The following ERC1 variants were observed in gnomAD, a reference collection of about 807,000 sequenced individuals.
ERC1 encodes the protein ELKS/RAB6-interacting/CAST family member 1, also known as RAB6 interacting protein 2.
ERC1 carries 56 observed loss-of-function variants against 132.0 expected under a neutral mutation model. The ratio of observed to expected loss-of-function variants is 0.42; its 90% CI spans 0.34 to 0.53. The LOEUF (loss-of-function observed/expected upper bound fraction) is 0.53. Among genes scored for constraint, ERC1 ranks in the 20% least tolerant of loss-of-function variants. ERC1 has a pLI of 0.03. For synonymous variants in ERC1, 478 were observed against 476.1 expected (o/e 1.00, Z -0.05); for missense variants, 1,202 against 1,349.9 (o/e 0.89, Z 1.72).
intron 18 of ERC1, among the ~76,000 whole-genome samples, chr12:1,446,573 C>T (rs775528615): frequency 1.3e-5 from 2 of 152,054 alleles, no homozygotes; most frequent in Non-Finnish European, 2.9e-5. Context: ...TTTGTTTACT[C>T]GTGTGTGAAG....
At chr12:1,223,377 T>C (rs926128994) in intron 12 of ERC1, among the ~76,000 whole-genome samples, 3 of 152,234 alleles carry the variant, frequency 2.0e-5, no homozygotes, top group Non-Finnish European at 4.4e-5. Context: ...ATAGTCTGCA[T>C]TGACTGTTGT....
Position 1,280,771 on chromosome 12 carries a change from A to G in ERC1, c.2620-9081A>G, listed in dbSNP as rs143745885. Among the ~76,000 whole-genome samples, 704 of 152,350 alleles carry G rather than the reference A, an allele frequency of 4.6e-3. 20 individuals carry two copies. Among genetic ancestry groups the G allele is most frequent in the Non-Finnish European group, 1.5e-3 (100 of 68,038 alleles). ...ACATACATACACATATTATACACGC[A>G]CTTACGTGATGTTTATGAGTTTCCC... On this transcript the variant is annotated intron_variant, in intron 14 of 18. Transcript: ENST00000360905.
intron 12 of ERC1, among the ~76,000 whole-genome samples, chr12:1,193,263 C>T (rs931301973): frequency 1.3e-5 from 2 of 152,140 alleles, no homozygotes; most frequent in Admixed American, 1.3e-4. Flanking sequence ...TTGTCCTACT[C>T]TCTTGACCCA....
chr12:1,290,292 C>T (rs1182450856), intron 15 of ERC1, among the ~76,000 whole-genome samples: 1 of 152,176 alleles, frequency 6.6e-6, no homozygotes, highest in African/African-American at 2.4e-5. Context: ...CTGGAAAGTT[C>T]AGGCAAAATG....
intron 12 of ERC1, among the ~76,000 whole-genome samples, chr12:1,195,653 ACTT>A (rs1283356836): frequency 6.6e-6 from 1 of 152,182 alleles, no homozygotes; most frequent in Non-Finnish European, 1.5e-5. Flanking sequence ...TGCTGCAGCT[ACTT>A]CTGCCAACCT....
Position 1,219,923 on chromosome 12 carries a change from T to A in ERC1, c.2352-16846T>A, listed in dbSNP as rs368013907. 8.1e-4 allele frequency among the ~76,000 whole-genome samples: 124 copies of A among 152,354 alleles called. 3 individuals are homozygous for A. In the South Asian group the frequency reaches 0.024, roughly 30 times the overall value. The stretch of plus-strand genomic sequence containing the variant: ...GTCACCCCTTGGGTTAAAACCTTCC[T>A]GTGTTCTCCCATCATACACAGTGAA... On this transcript the variant is annotated intron_variant, in intron 12 of 18. Coordinates refer to ENST00000360905, the MANE Select transcript of ERC1 (RefSeq NM_178040.4).
intron 13 of ERC1, among the ~76,000 whole-genome samples, chr12:1,260,401 A>G (rs1295396009): frequency 2.0e-5 from 3 of 152,204 alleles, no homozygotes; most frequent in African/African-American, 7.2e-5. Context: ...AAGAGTATTC[A>G]TATTATCATC....
intron 15 of ERC1, among the ~76,000 whole-genome samples, chr12:1,294,445 G>C (rs753428023): frequency 6.6e-6 from 1 of 152,094 alleles, no homozygotes; most frequent in African/African-American, 2.4e-5. Context: ...TAAAGGCTCC[G>C]AAAGTCCCTC....
intron 17 of ERC1, among the ~76,000 whole-genome samples, chr12:1,433,977 T>G (rs1592028808): frequency 2.6e-5 from 2 of 77,720 alleles, no homozygotes; most frequent in African/African-American, 6.3e-5. Flanking sequence ...AGACCCTGTC[T>G]CAAAAAAAAA....
At chr12:1,349,757 A>G (rs561233253) in intron 15 of ERC1, among the ~76,000 whole-genome samples, 1 of 152,328 alleles carries the variant, frequency 6.6e-6, no homozygotes, top group East Asian at 1.9e-4. Flanking sequence ...GAGAACATAA[A>G]AGGATAGCTT....
intron 1 of ERC1, among the ~76,000 whole-genome samples, chr12:1,008,304 A>G (rs1362965879): frequency 6.6e-6 from 1 of 152,242 alleles, no homozygotes; most frequent in Middle Eastern, 3.2e-3. Context: ...TGAGCCACAT[A>G]TGTAATTAAA....
intron 2 of ERC1, among the ~76,000 whole-genome samples, chr12:1,038,888 A>T (rs951394605): frequency 1.1e-4 from 16 of 152,324 alleles, no homozygotes; most frequent in South Asian, 8.3e-4. Flanking sequence ...GAAGGTGCAC[A>T]TCCATGAGAT....
At position 1,397,313 on chromosome 12, in the gene ERC1, G is replaced by T. The variant is rs376538710; in HGVS notation, c.2926-10836G>T. Among the ~76,000 whole-genome samples the T allele has an allele frequency of 4.0e-4, 61 of 152,196 alleles. No homozygotes were observed. The East Asian group carries it at 8.1e-3, about 20-fold the overall frequency. On this transcript the variant is annotated intron_variant, in intron 16 of 18. Transcript: ENST00000360905. ...CCAGAAGCTTTACTTCTAGAAATTG[G>T]TCCCACAGACACATCTTCAAAAATA...
intron 14 of ERC1, among the ~76,000 whole-genome samples, chr12:1,284,903 T>TA (rs1372916597): frequency 6.6e-6 from 1 of 152,192 alleles, no homozygotes; most frequent in African/African-American, 2.4e-5. Context: ...CTCCTGGAAT[T>TA]ACAGGCATGA....
chr12:1,169,030 C>T (rs994742118), intron 8 of ERC1, among the ~76,000 whole-genome samples: 3 of 152,134 alleles, frequency 2.0e-5, no homozygotes, highest in Non-Finnish European at 4.4e-5. Flanking sequence ...ATCAGAAACA[C>T]TCACCATCTA....
intron 12 of ERC1, among the ~76,000 whole-genome samples, chr12:1,196,478 G>A (rs1956245441): frequency 6.7e-6 from 1 of 150,214 alleles, no homozygotes. Flanking sequence ...GGTATGTGTT[G>A]GAAAGGTTTC....
At chr12:1,120,691 G>A (rs553252702) in intron 7 of ERC1, among the ~76,000 whole-genome samples, 4 of 152,280 alleles carry the variant, frequency 2.6e-5, no homozygotes, top group African/African-American at 7.2e-5. Context: ...ACACCTTACT[G>A]CTTCAAAGTA....
At chr12:1,200,339 T>C (rs1175371266) in intron 12 of ERC1, among the ~76,000 whole-genome samples, 1 of 152,168 alleles carries the variant, frequency 6.6e-6, no homozygotes, top group Non-Finnish European at 1.5e-5. Flanking sequence ...CTTTATTTGT[T>C]TGTGGGAATC....
At chr12:1,386,303 T>C (rs1029572064) in intron 16 of ERC1, among the ~76,000 whole-genome samples, 1 of 151,020 alleles carries the variant, frequency 6.6e-6, no homozygotes, top group African/African-American at 2.4e-5. Flanking sequence ...TCCCAAAGTG[T>C]TGGGATTACA....
Sources: allele counts gnomAD v4.1 joint callset (sites outside exome capture counted in the v4.1 genomes callset), GRCh38; gene constraint gnomAD v4.1.1; transcripts MANE v1.5; gene names NCBI Gene and HGNC (gene_info 2026-07-23, HGNC 2026-07-21).